TMEM218: variants seen among roughly 807,000 people sequenced by gnomAD.
TMEM218 encodes transmembrane protein 218.
A neutral mutation model predicts 10.0 loss-of-function variants in TMEM218; 8 were observed. The observed-to-expected ratio is 0.80, with a 90% confidence interval of 0.47 to 1.44. The LOEUF is 1.44. TMEM218 is among the 40% of genes most tolerant of loss of function. The pLI is 0.00. For missense variants in TMEM218, 110 were observed against 140.1 expected (o/e 0.79, Z 1.08); for synonymous variants, 66 against 63.5 (o/e 1.04, Z -0.18).
chr11:125,102,429 A>C, intron 2 of TMEM218, 112 bp from the exon 3 acceptor site: 1 of 1,495,740 alleles, frequency 6.7e-7, no homozygotes. Flanking sequence ...ATTTTCAGAA[A>C]TGTCCAGTCC....
rs7931744 is a variant in TMEM218 at position 125,100,806 on chromosome 11, A to C, written c.213+395T>G. Among the ~76,000 whole-genome samples the C allele has an allele frequency of 2.6e-5, 4 of 152,054 alleles. No individual in the cohort carries two copies. The East Asian group carries it at 7.7e-4, about 29-fold the overall frequency. On this transcript the variant is annotated intron_variant, in intron 4 of 4. Transcript: ENST00000682305. ...ACATCAATTTCAGCCCAGGATCTGCAGTTAGGAGCCCAGGCTGCCAGGAAT... is the reference window on the plus strand; with the variant it reads ...ACATCAATTTCAGCCCAGGATCTGCCGTTAGGAGCCCAGGCTGCCAGGAAT...
chr11:125,102,591 CA>C, intron 2 of TMEM218, 142 bp downstream of exon 2: 3 of 1,325,410 alleles, frequency 2.3e-6, no homozygotes, highest in Non-Finnish European at 3.0e-6. Context: ...CCTCTTCCCC[CA>C]GCCCACGGGA....
At chr11:125,099,905 C>T (rs1004833411) in intron 4 of TMEM218, among the ~76,000 whole-genome samples, 1 of 120,926 alleles carries the variant, frequency 8.3e-6, no homozygotes, top group African/African-American at 3.3e-5. Flanking sequence ...GCCTGGCCGA[C>T]AGAGCGAGAC....
rs536368565 is a variant in TMEM218, at chr11:125,099,849, G to A, written c.213+1352C>T. Among the ~76,000 whole-genome samples, 21 of 151,804 alleles carry A rather than the reference G, an allele frequency of 1.4e-4. No individual in the cohort carries two copies. The South Asian group carries it at 1.9e-3, about 14-fold the overall frequency. On this transcript the variant is annotated intron_variant, in intron 4 of 4. Transcript: ENST00000682305. Reference sequence around the variant, plus strand: ...TGAGGCAGGAGAATTGCTTGAGTCCGGGAGACGGAGGTTGCAGTGTGCCGA... The same window carrying A: ...TGAGGCAGGAGAATTGCTTGAGTCCAGGAGACGGAGGTTGCAGTGTGCCGA...
chr11:125,101,335 C>T, intron 3 of TMEM218, 32 bp from the exon 4 acceptor site: 2 of 1,597,634 alleles, frequency 1.3e-6, no homozygotes, highest in Non-Finnish European at 1.7e-6. Flanking sequence ...ATTAAAAGCA[C>T]TGTCTATAAT....
rs777278582 is a variant in TMEM218 at position 125,101,194 on chromosome 11, G to A, written c.213+7C>T. ...CTCAGGAGGCAAAACGAAAGCAACA[G>A]CTTTACCTTAACTTCCACTTCTGGG... On this transcript the variant is annotated splice_region_variant and intron_variant, in intron 4 of 4. Coordinates refer to ENST00000682305, the MANE Select transcript of TMEM218 (RefSeq NM_001258244.2). 5 of 1,612,544 alleles carry A rather than the reference G, an allele frequency of 3.1e-6. No individual in the cohort carries two copies. Among genetic ancestry groups the A allele is most frequent in the Non-Finnish European group, 4.2e-6 (5 of 1,179,120 alleles).
Position 125,096,267 on chromosome 11 carries a change from C to T in TMEM218, c.*1339G>A, listed in dbSNP as rs992313839. On this transcript the variant is annotated 3_prime_UTR_variant, in exon 5 of 5. Transcript: ENST00000682305. ...TTCTTGGAATTTAGAGCTTAGTTGC[C>T]TGTGGGGTGGCAGGACTGGGTAACT... 6.6e-6 allele frequency among the ~76,000 whole-genome samples: 1 copy of T among 152,148 alleles called. No individual in the cohort carries two copies. Among genetic ancestry groups the T allele is most frequent in the Non-Finnish European group, 1.5e-5 (1 of 68,036 alleles).
chr11:125,109,903 C>T (rs966900818), intron 1 of TMEM218, among the ~76,000 whole-genome samples: 5 of 152,240 alleles, frequency 3.3e-5, no homozygotes, highest in African/African-American at 9.6e-5. Context: ...AAATGTTGCC[C>T]TTCAATCCCC....
At position 125,102,263 on chromosome 11, in the gene TMEM218, C is replaced by A. The variant is rs774488185; in HGVS notation, c.-22G>T. ...CCATCCCGCGGGGAGGCAGCGGCGG[C>A]CCCCCGCCCTGCGCGCCGCACGATC... On this transcript the variant is annotated 5_prime_UTR_variant, in exon 3 of 5. Transcript: ENST00000682305. The A allele has an allele frequency of 3.1e-6, 5 of 1,608,228 alleles. No individual in the cohort carries two copies. Among genetic ancestry groups the A allele is most frequent in the Middle Eastern group, 1.7e-4 (1 of 5,858 alleles).
chr11:125,102,024 G>A, intron 3 of TMEM218, 108 bp downstream of exon 3: 1 of 1,261,200 alleles, frequency 7.9e-7, no homozygotes, highest in Middle Eastern at 2.8e-4. Context: ...CATTCAAACT[G>A]CCAGTAATTA....
chr11:125,105,942 C>A (rs1591410949), intron 1 of TMEM218, among the ~76,000 whole-genome samples: 1 of 152,086 alleles, frequency 6.6e-6, no homozygotes, highest in Admixed American at 6.5e-5. Flanking sequence ...AAAAGAAATT[C>A]TCTTAGATTT....
intron 2 of TMEM218, 30 bp downstream of exon 2, chr11:125,102,704 G>T: frequency 7.7e-7 from 1 of 1,290,688 alleles, no homozygotes; most frequent in African/African-American, 1.5e-5. Context: ...AAGCTCTCAG[G>T]TTAAATCCAT....
intron 4 of TMEM218, among the ~76,000 whole-genome samples, chr11:125,098,972 A>T (rs1460430787): frequency 6.6e-6 from 1 of 152,242 alleles, no homozygotes; most frequent in African/African-American, 2.4e-5. Context: ...ACTTCTGGAA[A>T]GGAATGCTGC....
chr11:125,108,270 G>T lies in TMEM218; in HGVS notation c.-153+3269C>A, dbSNP rs1188261430. Among the ~76,000 whole-genome samples the T allele has an allele frequency of 6.6e-6, 1 of 152,206 alleles. No homozygotes were observed. The highest frequency in any genetic ancestry group is 2.4e-5 in the African/African-American group (1 of 41,456). ...AACCCAGAAACAGATCCATGCATTT[G>T]TGAGAACTTCCTACAGCACAGAGTT... On this transcript the variant is annotated intron_variant, in intron 1 of 4. Coordinates refer to ENST00000682305, the MANE Select transcript of TMEM218 (RefSeq NM_001258244.2). This position sits in a 1 kb window ranked among gnomAD's most constrained non-coding sequence, Gnocchi z 5.3.
chr11:125,099,382 A>G (rs1016101862), intron 4 of TMEM218, among the ~76,000 whole-genome samples: 1 of 152,232 alleles, frequency 6.6e-6, no homozygotes, highest in Non-Finnish European at 1.5e-5. Context: ...TGTATTATTG[A>G]TACAGCATTG....
chr11:125,102,481 C>T (rs2155663), intron 2 of TMEM218, 164 bp from the exon 3 acceptor site: 1,126,084 of 1,465,348 alleles, frequency 0.77, 433,741 homozygotes, highest in African/African-American at 0.89. Context: ...AACCCAAAGC[C>T]TTTCTCTTTG....
chr11:125,094,829 GACAGTCTAGACACCTT>G lies in TMEM218; in HGVS notation c.*2761_*2776del, dbSNP rs1259395163. Among the ~76,000 whole-genome samples, 23 of 152,312 alleles carry G rather than the reference GACAGTCTAGACACCTT, an allele frequency of 1.5e-4. No homozygotes were observed. The East Asian group carries it at 4.1e-3, about 27-fold the overall frequency. ...CCTCCTTCCAGGAAGCAGTGAGGAA[GACAGTCTAGACACCTT>G]ACAGCCTAGTTCTTCCATGGGCTTA... is the stretch of plus-strand genomic sequence containing the variant. On this transcript the variant is annotated 3_prime_UTR_variant, in exon 5 of 5. Coordinates refer to ENST00000682305, the MANE Select transcript of TMEM218 (RefSeq NM_001258244.2).
Position 125,097,161 on chromosome 11 carries a change from TTAAAA to T in TMEM218, c.*440_*444del, listed in dbSNP as rs1482551612. On this transcript the variant is annotated 3_prime_UTR_variant, in exon 5 of 5. Transcript: ENST00000682305. The stretch of plus-strand genomic sequence containing the variant: ...TGAGTAAGTCTTCCAAATTATCACA[TTAAAA>T]TAACCTTTCAAATTTGAGTGCCTCT... 1 of 152,488 alleles carries T rather than the reference TTAAAA, an allele frequency of 6.6e-6. No homozygotes were observed. The allele number at this position is 152,488 out of a possible 1,614,324, so 9.4% of individuals were successfully genotyped here. A position where few individuals can be genotyped will look rare whatever the true frequency, so the allele number is the denominator to read the frequency against.
intron 4 of TMEM218, among the ~76,000 whole-genome samples, chr11:125,099,511 CAT>C (rs1771923414): frequency 6.6e-6 from 1 of 152,226 alleles, no homozygotes; most frequent in Admixed American, 6.5e-5. Flanking sequence ...GTCTGAAACT[CAT>C]ATGACAGACA....
Sources: allele counts gnomAD v4.1 joint callset (sites outside exome capture counted in the v4.1 genomes callset), GRCh38; gene constraint gnomAD v4.1.1; non-coding constraint Gnocchi (gnomAD v3.1); transcripts MANE v1.5; gene names NCBI Gene and HGNC (gene_info 2026-07-23, HGNC 2026-07-21).